The following CDH4 variants were observed in gnomAD, a reference collection of about 807,000 sequenced individuals.
CDH4 encodes the protein cadherin 4, also known as cadherin-4.
In CDH4, 33 loss-of-function variants were observed where a neutral mutation model predicts 86.0. That is an observed-to-expected ratio of 0.38 (90% CI 0.29 to 0.51). The LOEUF (loss-of-function observed/expected upper bound fraction) is 0.51. Ranked by LOEUF, CDH4 falls within the 20% of genes least tolerant of loss-of-function variation. CDH4 has a pLI of 0.86. For synonymous variants in CDH4, 555 were observed against 549.4 expected, an observed-to-expected ratio of 1.01 and a Z score of -0.14; for missense variants, 1,114 against 1,307.4, an observed-to-expected ratio of 0.85 and a Z score of 2.28.
chr20:61,287,183 G>C (rs1183054038), intron 2 of CDH4, among the ~76,000 whole-genome samples: 1 of 152,206 alleles, frequency 6.6e-6, no homozygotes, highest in African/African-American at 2.4e-5. Flanking sequence ...AGGGGAGCTT[G>C]TGTGTTGGTG....
chr20:61,331,603 C>T (rs112668157), intron 2 of CDH4, among the ~76,000 whole-genome samples: 9 of 151,220 alleles, frequency 6.0e-5, no homozygotes, highest in African/African-American at 1.2e-4. Context: ...CCTCCTGCCC[C>T]GGCCACCTGC....
chr20:61,449,210 C>G (rs2145543888), intron 2 of CDH4, among the ~76,000 whole-genome samples: 1 of 152,280 alleles, frequency 6.6e-6, no homozygotes, highest in Non-Finnish European at 1.5e-5. Flanking sequence ...CAAGGCTGTC[C>G]TCAGAGGCCC....
At position 61,708,735 on chromosome 20, in the gene CDH4, G is replaced by A. The variant is rs2087859391; in HGVS notation, c.170-34828G>A. ...ATCCTCCCCAGCCTCACATGAGGCG[G>A]CGCTGCCTCTGCGGAGGCCCCTTCT... On this transcript the variant is annotated intron_variant, in intron 2 of 15. Coordinates refer to ENST00000614565, the MANE Select transcript of CDH4 (RefSeq NM_001794.5). This position sits in a 1 kb window ranked among gnomAD's most constrained non-coding sequence, Gnocchi z 4.5. 1.3e-5 allele frequency among the ~76,000 whole-genome samples: 2 copies of A among 152,208 alleles called. No individual in the cohort carries two copies. Among genetic ancestry groups the A allele is most frequent in the Non-Finnish European group, 2.9e-5 (2 of 68,042 alleles).
intron 2 of CDH4, among the ~76,000 whole-genome samples, chr20:61,599,226 T>C (rs2086579625): frequency 6.6e-6 from 1 of 152,120 alleles, no homozygotes. Context: ...TGCCATGCCA[T>C]TCACCATCTC....
At chr20:61,763,247 A>G (rs1276035537) in intron 3 of CDH4, among the ~76,000 whole-genome samples, 1 of 152,028 alleles carries the variant, frequency 6.6e-6, no homozygotes, top group Non-Finnish European at 1.5e-5. Context: ...GACTAGGACA[A>G]GGGATGCTCG....
At chr20:61,800,875 C>T (rs1032037748) in intron 4 of CDH4, among the ~76,000 whole-genome samples, 1 of 152,228 alleles carries the variant, frequency 6.6e-6, no homozygotes, top group Non-Finnish European at 1.5e-5. Flanking sequence ...TTAGAGCCCA[C>T]CAGTGAGAAT....
At chr20:61,643,445 T>C (rs2087031672) in intron 2 of CDH4, among the ~76,000 whole-genome samples, 2 of 152,164 alleles carry the variant, frequency 1.3e-5, no homozygotes, top group South Asian at 4.1e-4. Flanking sequence ...AATTCACAGG[T>C]TCTGGGGATT....
intron 2 of CDH4, among the ~76,000 whole-genome samples, chr20:61,471,819 C>A (rs2085505479): frequency 6.6e-6 from 1 of 152,040 alleles, no homozygotes; most frequent in Non-Finnish European, 1.5e-5. Flanking sequence ...TGTATAGTTT[C>A]CAAAATTCCT....
At chr20:61,302,129 C>T (rs921022473) in intron 2 of CDH4, among the ~76,000 whole-genome samples, 5 of 152,180 alleles carry the variant, frequency 3.3e-5, no homozygotes, top group African/African-American at 1.2e-4. Flanking sequence ...CAAACGGTGC[C>T]CCTTTTGTGG....
chr20:61,549,347 C>G lies in CDH4; in HGVS notation c.170-194216C>G, dbSNP rs1333256872. The stretch of plus-strand genomic sequence containing the variant: ...TCACCCCTCTCATCATCCCAAACAC[C>G]TGATGAGGAACAGCCTGGAGCCTAC... On this transcript the variant is annotated intron_variant, in intron 2 of 15. Coordinates refer to ENST00000614565, the MANE Select transcript of CDH4 (RefSeq NM_001794.5). Among the ~76,000 whole-genome samples, 3 of 152,284 alleles carry G rather than the reference C, an allele frequency of 2.0e-5. No individual in the cohort carries two copies. In the East Asian group the frequency reaches 5.8e-4, roughly 29 times the overall value.
intron 2 of CDH4, among the ~76,000 whole-genome samples, chr20:61,358,648 C>T (rs866155378): frequency 1.3e-5 from 2 of 152,218 alleles, no homozygotes; most frequent in African/African-American, 4.8e-5. Flanking sequence ...GTCAAATGCA[C>T]GGCCCTTCCC....
chr20:61,638,752 C>T (rs2086975175), intron 2 of CDH4, among the ~76,000 whole-genome samples: 1 of 152,182 alleles, frequency 6.6e-6, no homozygotes, highest in African/African-American at 2.4e-5. Flanking sequence ...TGGGTAGATG[C>T]AATGCAAAAC....
At chr20:61,524,662 T>G (rs2085897433) in intron 2 of CDH4, among the ~76,000 whole-genome samples, 1 of 152,088 alleles carries the variant, frequency 6.6e-6, no homozygotes, top group South Asian at 2.1e-4. Context: ...TTTCTGTATT[T>G]TTTGTACAGA....
chr20:61,382,293 A>G (rs1280863407), intron 2 of CDH4, among the ~76,000 whole-genome samples: 1 of 152,180 alleles, frequency 6.6e-6, no homozygotes, highest in Non-Finnish European at 1.5e-5. Context: ...CTAACTTATT[A>G]TGGAAAGGTA....
At position 61,813,827 on chromosome 20, in the gene CDH4, C is replaced by T. The variant is rs150374618; in HGVS notation, c.577-30841C>T. Among the ~76,000 whole-genome samples the T allele has an allele frequency of 5.3e-5, 8 of 152,322 alleles. No individual in the cohort carries two copies. In the East Asian group the frequency reaches 1.5e-3, roughly 29 times the overall value. On this transcript the variant is annotated intron_variant, in intron 4 of 15. Coordinates refer to ENST00000614565, the MANE Select transcript of CDH4 (RefSeq NM_001794.5). ...AGCCTCCTTGGCTCACCAGCCCTCT[C>T]CAGTATAATAGATTACCAACGGCCC...
Position 61,518,740 on chromosome 20 carries a change from T to C in CDH4, c.170-224823T>C, listed in dbSNP as rs149527182. ...CATCCGTTCATCCACCCATCATCCATTCATCCATCCATTCGTACATCCACC... is the reference window on the plus strand; with the variant it reads ...CATCCGTTCATCCACCCATCATCCACTCATCCATCCATTCGTACATCCACC... On this transcript the variant is annotated intron_variant, in intron 2 of 15. Coordinates refer to ENST00000614565, the MANE Select transcript of CDH4 (RefSeq NM_001794.5). The surrounding 1 kb of genome is among the most constrained non-coding windows in gnomAD (Gnocchi z 6.3). Among the ~76,000 whole-genome samples the C allele has an allele frequency of 2.0e-5, 3 of 151,780 alleles. No individual in the cohort carries two copies. In the East Asian group the frequency reaches 5.9e-4, roughly 30 times the overall value.
intron 2 of CDH4, among the ~76,000 whole-genome samples, chr20:61,683,551 A>G (rs541194676): frequency 2.6e-5 from 4 of 152,302 alleles, no homozygotes; most frequent in African/African-American, 7.2e-5. Flanking sequence ...AGCACCCCAA[A>G]CTGCACGCAT....
intron 2 of CDH4, among the ~76,000 whole-genome samples, chr20:61,309,674 T>G (rs114274030): frequency 6.8e-4 from 104 of 152,364 alleles, no homozygotes; most frequent in African/African-American, 2.4e-3. Flanking sequence ...GGGAAATGCA[T>G]GAACTTAATT....
chr20:61,816,699 G>A (rs544516062), intron 4 of CDH4, among the ~76,000 whole-genome samples: 4 of 140,564 alleles, frequency 2.8e-5, no homozygotes, highest in East Asian at 2.0e-4. Flanking sequence ...GGGGGGGGGC[G>A]GTTTGTGGGT....
Sources: gnomAD v4.1 joint callset for allele counts (sites outside exome capture counted in the v4.1 genomes callset) on GRCh38, gnomAD v4.1.1 for gene constraint, Gnocchi (gnomAD v3.1) non-coding constraint, MANE v1.5 for transcripts, NCBI Gene and HGNC (gene_info 2026-07-23, HGNC 2026-07-21) for gene names.